Variants in IPCEF1 observed in about 807,000 individuals in gnomAD.
The protein encoded by IPCEF1 is interactor protein for cytohesin exchange factors 1.
In IPCEF1, 31 loss-of-function variants were observed where a neutral mutation model predicts 50.9. The observed-to-expected ratio is 0.61, with a 90% confidence interval of 0.46 to 0.82. The LOEUF (loss-of-function observed/expected upper bound fraction) is 0.82. IPCEF1 is among the 40% of genes least tolerant of loss of function. The pLI is 0.00. For missense variants in IPCEF1, 458 were observed against 514.0 expected (o/e 0.89, Z 1.05); for synonymous variants, 181 against 192.0 (o/e 0.94, Z 0.47).
intron 11 of IPCEF1, among the ~76,000 whole-genome samples, chr6:154,167,445 T>C: frequency 6.6e-6 from 1 of 152,164 alleles, no homozygotes; most frequent in East Asian, 1.9e-4. Flanking sequence ...TCACTACATC[T>C]TTGCTGCAGC....
In IPCEF1 at chr6:154,162,419, G is replaced by T. The variant is rs151032878; in HGVS notation, c.1105-2379C>A. The stretch of plus-strand genomic sequence containing the variant: ...CCCACCATTCACCAAAACTGCTCTT[G>T]TGAAGACCATCAGTGACCTCCATGT... On this transcript the variant is annotated intron_variant, in intron 11 of 11. Coordinates refer to ENST00000367220, the MANE Select transcript of IPCEF1 (RefSeq NM_001130700.2). Among the ~76,000 whole-genome samples the T allele has an allele frequency of 3.6e-3, 553 of 152,284 alleles. 3 individuals carry two copies. Among genetic ancestry groups the T allele is most frequent in the African/African-American group, 0.013 (531 of 41,544 alleles).
chr6:154,291,470 A>G (rs1459508629), intron 1 of IPCEF1, among the ~76,000 whole-genome samples: 1 of 152,126 alleles, frequency 6.6e-6, no homozygotes, highest in Non-Finnish European at 1.5e-5. Context: ...AGGAATAGGT[A>G]GCAATGAACA....
At position 154,251,290 on chromosome 6, in the gene IPCEF1, C is replaced by T. The variant is rs761772419; in HGVS notation, c.37-3802G>A. Among the ~76,000 whole-genome samples the T allele has an allele frequency of 7.9e-5, 12 of 152,084 alleles. No homozygotes were observed. The South Asian group carries it at 1.0e-3, about 13-fold the overall frequency. On this transcript the variant is annotated intron_variant, in intron 3 of 11. Transcript: ENST00000367220. ...GACAGAGGTTGGATGTGATGACTCA[C>T]GCCTATGTCAGTGATTTGGGAGGCC...
chr6:154,262,010 G>A (rs905812394), intron 3 of IPCEF1, among the ~76,000 whole-genome samples: 2 of 152,160 alleles, frequency 1.3e-5, no homozygotes, highest in African/African-American at 4.8e-5. Flanking sequence ...ATTTTATTTA[G>A]AGAACAAATG....
chr6:154,180,241 C>G (rs1028999289), intron 10 of IPCEF1, among the ~76,000 whole-genome samples: 1 of 151,920 alleles, frequency 6.6e-6, no homozygotes, highest in Non-Finnish European at 1.5e-5. Context: ...ATGTCAGTGA[C>G]CCTTCACTTT....
chr6:154,180,414 A>ATTT (rs761333730), intron 10 of IPCEF1, among the ~76,000 whole-genome samples: 31 of 65,262 alleles, frequency 4.8e-4, no homozygotes, highest in East Asian at 2.5e-3. Context: ...ATATATATAT[A>ATTT]TTTTTTTTTT....
chr6:154,210,145 G>A (rs545642970), intron 9 of IPCEF1, among the ~76,000 whole-genome samples: 1 of 152,276 alleles, frequency 6.6e-6, no homozygotes, highest in African/African-American at 2.4e-5. Flanking sequence ...TATTTCACCA[G>A]GGAGAGTTCT....
chr6:154,212,846 C>A lies in IPCEF1; in HGVS notation c.461G>T (p.Ser154Ile), dbSNP rs768005350. Reference protein sequence around the residue: ...ESTTKDEECYSESEQEDPEIA... With the variant: ...ESTTKDEECYIESEQEDPEIA... ...TTCTGGATCTTCCTGTTCACTTTCA[C>A]TGTAACATTCTATAACAAAAATGAA... Residue 154 changes from serine (S) to isoleucine (I), a missense_variant, in exon 9 of 12, where the codon AGT becomes ATT. Coordinates refer to ENST00000367220, the MANE Select transcript of IPCEF1 (RefSeq NM_001130700.2). 5.6e-6 allele frequency: 9 copies of A among 1,609,544 alleles called. No individual in the cohort carries two copies. The highest frequency in any genetic ancestry group is 7.7e-6 in the Non-Finnish European group (9 of 1,175,828).
chr6:154,228,682 C>T (rs1221562645), intron 5 of IPCEF1, among the ~76,000 whole-genome samples: 1 of 152,192 alleles, frequency 6.6e-6, no homozygotes, highest in Non-Finnish European at 1.5e-5. Context: ...TGCTGATCAT[C>T]TCTTTGATCT....
intron 10 of IPCEF1, among the ~76,000 whole-genome samples, chr6:154,177,528 A>C (rs933008622): frequency 2.0e-5 from 3 of 152,274 alleles, no homozygotes; most frequent in Admixed American, 1.3e-4. Context: ...GCCAACAGAC[A>C]TATGAAAAAA....
intron 2 of IPCEF1, among the ~76,000 whole-genome samples, chr6:154,273,708 C>CCT (rs1781959126): frequency 1.8e-5 from 1 of 54,070 alleles, no homozygotes; most frequent in Non-Finnish European, 3.7e-5. Flanking sequence ...TTCTTTTTTT[C>CCT]TTTCTTTCTT....
chr6:154,229,346 G>GTTTTTTTTTTTTTTTTTT (rs34462600), intron 5 of IPCEF1, among the ~76,000 whole-genome samples: 1 of 112,680 alleles, frequency 8.9e-6, no homozygotes, highest in African/African-American at 3.4e-5. Flanking sequence ...AAGTTTGCCG[G>GTTTTTTTTTTTTTTTTTT]TTTTTTTTTT....
chr6:154,338,571 G>C (rs1783838076), intron 1 of IPCEF1, among the ~76,000 whole-genome samples: 1 of 152,162 alleles, frequency 6.6e-6, no homozygotes, highest in Non-Finnish European at 1.5e-5. Flanking sequence ...AGGGTGAATT[G>C]CGATTGCCAA....
At position 154,248,462 on chromosome 6, in the gene IPCEF1, G is replaced by GA. The variant is rs554840088; in HGVS notation, c.37-975dup. Among the ~76,000 whole-genome samples the GA allele has an allele frequency of 2.5e-4, 38 of 152,090 alleles. No homozygotes were observed. The South Asian group carries it at 5.8e-3, about 23-fold the overall frequency. On this transcript the variant is annotated intron_variant, in intron 3 of 11. Coordinates refer to ENST00000367220, the MANE Select transcript of IPCEF1 (RefSeq NM_001130700.2). ...CCGTTAACAGGTAGAGAACTCAGGGGAAAAAACGTGTGAAAATGAAAAGCA... is the reference window on the plus strand; with the variant it reads ...CCGTTAACAGGTAGAGAACTCAGGGGAAAAAAACGTGTGAAAATGAAAAGCA...
At chr6:154,259,636 G>T (rs999737258) in intron 3 of IPCEF1, among the ~76,000 whole-genome samples, 1 of 152,024 alleles carries the variant, frequency 6.6e-6, no homozygotes, top group African/African-American at 2.4e-5. Flanking sequence ...TGGGCAATAA[G>T]AGCGAAACTC....
At chr6:154,207,212 G>A (rs548599047) in intron 9 of IPCEF1, among the ~76,000 whole-genome samples, 64 of 152,340 alleles carry the variant, frequency 4.2e-4, no homozygotes, top group Non-Finnish European at 6.8e-4. Context: ...TGACTGCCAG[G>A]AGAGCAGGCT....
At chr6:154,232,787 G>C (rs554851425) in intron 5 of IPCEF1, among the ~76,000 whole-genome samples, 1 of 151,960 alleles carries the variant, frequency 6.6e-6, no homozygotes, top group African/African-American at 2.4e-5. Context: ...GCTATAACCA[G>C]CTTCTCCAGA....
intron 1 of IPCEF1, among the ~76,000 whole-genome samples, chr6:154,344,326 T>C (rs1010811744): frequency 3.3e-5 from 5 of 152,230 alleles, no homozygotes; most frequent in Admixed American, 6.5e-5. Context: ...TCATGACTAC[T>C]TCACTGTCCT....
At chr6:154,161,793 T>C (rs1799041702) in intron 11 of IPCEF1, among the ~76,000 whole-genome samples, 1 of 152,168 alleles carries the variant, frequency 6.6e-6, no homozygotes, top group South Asian at 2.1e-4. Flanking sequence ...ATTCAATTCA[T>C]GCATGTGATT....
Sources: gnomAD v4.1 joint callset for allele counts (sites outside exome capture counted in the v4.1 genomes callset) on GRCh38, gnomAD v4.1.1 for gene constraint, MANE v1.5 for transcripts, NCBI Gene and HGNC (gene_info 2026-07-23, HGNC 2026-07-21) for gene names.